KCMF1: variants seen among roughly 807,000 people sequenced by gnomAD.
KCMF1 encodes E3 ubiquitin-protein ligase KCMF1.
KCMF1 carries 3 observed loss-of-function variants against 41.1 expected under a neutral mutation model. The ratio of observed to expected loss-of-function variants is 0.07; its 90% CI spans 0.03 to 0.19. The LOEUF (loss-of-function observed/expected upper bound fraction) is 0.19. KCMF1 is among the 10% of genes least tolerant of loss of function. The pLI, the probability that KCMF1 is intolerant of heterozygous loss-of-function variation, is 1.00. For synonymous variants in KCMF1, 142 were observed against 164.5 expected, an observed-to-expected ratio of 0.86 and a Z score of 1.04; for missense variants, 286 against 488.9, an observed-to-expected ratio of 0.58 and a Z score of 3.91.
intron 1 of KCMF1, among the ~76,000 whole-genome samples, chr2:84,985,415 AT>A (rs1673876272): frequency 6.6e-6 from 1 of 152,252 alleles, no homozygotes; most frequent in African/African-American, 2.4e-5. Flanking sequence ...CTTTCCCTAC[AT>A]TTACCGTTCT....
chr2:85,012,579 T>G (rs1228252627), intron 1 of KCMF1, among the ~76,000 whole-genome samples: 1 of 152,172 alleles, frequency 6.6e-6, no homozygotes, highest in Non-Finnish European at 1.5e-5. Flanking sequence ...CAAAGATCAG[T>G]TCATCCTAAC....
chr2:84,972,676 A>G (rs979640113), intron 1 of KCMF1, among the ~76,000 whole-genome samples: 1 of 152,234 alleles, frequency 6.6e-6, no homozygotes, highest in Non-Finnish European at 1.5e-5. Context: ...TTTGGGAAAT[A>G]CGGACCTTAG....
intron 3 of KCMF1, among the ~76,000 whole-genome samples, chr2:85,039,146 G>A (rs971937519): frequency 3.3e-5 from 5 of 152,246 alleles, no homozygotes; most frequent in Admixed American, 3.3e-4. Flanking sequence ...TTGGTACTCA[G>A]TAAGTGCTTA....
chr2:85,024,334 A>G (rs2104022886), intron 1 of KCMF1, among the ~76,000 whole-genome samples: 1 of 152,232 alleles, frequency 6.6e-6, no homozygotes, highest in Non-Finnish European at 1.5e-5. Context: ...TTAGCTGGGC[A>G]TGGTGCCAGG....
At chr2:85,006,144 C>T (rs969850855) in intron 1 of KCMF1, among the ~76,000 whole-genome samples, 3 of 151,830 alleles carry the variant, frequency 2.0e-5, no homozygotes, top group African/African-American at 7.3e-5. Flanking sequence ...TACTTGTTGT[C>T]ATTTGAGTTT....
chr2:85,034,997 A>T lies in KCMF1; in HGVS notation c.185-19A>T. 6.3e-7 allele frequency: 1 copy of T among 1,588,238 alleles called. No homozygotes were observed. The highest frequency in any genetic ancestry group is 8.6e-7 in the Non-Finnish European group (1 of 1,162,128). On this transcript the variant is annotated intron_variant, in intron 2 of 6. Transcript: ENST00000409785. ...TTAAAAACTAATATTCCTCAATGCA[A>T]TTCTACCTTATTTTTCAGATTTATA...
intron 1 of KCMF1, among the ~76,000 whole-genome samples, chr2:84,981,767 T>G (rs987067095): frequency 6.6e-6 from 1 of 151,968 alleles, no homozygotes; most frequent in Admixed American, 6.6e-5. Flanking sequence ...TCCAGGCTTT[T>G]TGTTTGTTTG....
At position 84,974,433 on chromosome 2, in the gene KCMF1, C is replaced by T. The variant is rs1037966598; in HGVS notation, c.16+2966C>T. Among the ~76,000 whole-genome samples, 4 of 151,818 alleles carry T rather than the reference C, an allele frequency of 2.6e-5. No homozygotes were observed. In the East Asian group the frequency reaches 7.8e-4, roughly 29 times the overall value. ...TGGACACCTGTCAAGCTTGAAGGCTCAACCTTGTGAAGCAGTGCCTCTGAG... is the reference window on the plus strand; with the variant it reads ...TGGACACCTGTCAAGCTTGAAGGCTTAACCTTGTGAAGCAGTGCCTCTGAG... On this transcript the variant is annotated intron_variant, in intron 1 of 6. Coordinates refer to ENST00000409785, the MANE Select transcript of KCMF1 (RefSeq NM_020122.5).
At chr2:84,974,680 TATATATATATA>T (rs1265321120) in intron 1 of KCMF1, among the ~76,000 whole-genome samples, 11 of 44,230 alleles carry the variant, frequency 2.5e-4, no homozygotes, top group African/African-American at 9.5e-4. Context: ...TATATATATA[TATATATATATA>T]TTTTTTTTTT....
chr2:85,052,794 C>T (rs1675838632), intron 6 of KCMF1, among the ~76,000 whole-genome samples: 2 of 152,182 alleles, frequency 1.3e-5, no homozygotes, highest in African/African-American at 4.8e-5. Flanking sequence ...TATTTACCCC[C>T]AGATGAAATT....
In KCMF1 at chr2:85,035,006, T is replaced by C; in HGVS notation, c.185-10T>C. The C allele has an allele frequency of 6.3e-7, 1 of 1,598,058 alleles. No homozygotes were observed. The highest frequency in any genetic ancestry group is 8.5e-7 in the Non-Finnish European group (1 of 1,170,290). ...AATATTCCTCAATGCAATTCTACCT[T>C]ATTTTTCAGATTTATACTATGGTGG... is the stretch of plus-strand genomic sequence containing the variant. On this transcript the variant is annotated splice_polypyrimidine_tract_variant and intron_variant, in intron 2 of 6. Transcript: ENST00000409785.
intron 2 of KCMF1, among the ~76,000 whole-genome samples, chr2:85,031,261 A>G (rs1675260190): frequency 1.3e-5 from 2 of 152,250 alleles, no homozygotes; most frequent in African/African-American, 2.4e-5. Context: ...ATCTGCTGAT[A>G]CATGAACATG....
intron 1 of KCMF1, 46 bp downstream of exon 1, chr2:84,971,513 T>G: frequency 1.8e-6 from 2 of 1,109,176 alleles, no homozygotes; most frequent in Non-Finnish European, 2.3e-6. Flanking sequence ...GGCCTCGGCC[T>G]ACCCCGCCCG....
Position 85,054,959 on chromosome 2 carries a change from G to C in KCMF1, c.*1550G>C, listed in dbSNP as rs1465851805. 1 of 152,108 alleles carries C rather than the reference G, an allele frequency of 6.6e-6. No individual in the cohort carries two copies. The highest frequency in any genetic ancestry group is 2.4e-5 in the African/African-American group (1 of 41,408). 9.4% of individuals were successfully genotyped at this position (152,108 alleles called of 1,614,324 possible). On this transcript the variant is annotated 3_prime_UTR_variant, in exon 7 of 7. Transcript: ENST00000409785. ...TGTTCATCCAAATGTAACCAAAAAA[G>C]AAGTCACCCTACATGTCTGAAAAAC...
intron 1 of KCMF1, among the ~76,000 whole-genome samples, chr2:84,974,081 G>A (rs1311668883): frequency 6.6e-6 from 1 of 152,092 alleles, no homozygotes; most frequent in African/African-American, 2.4e-5. Flanking sequence ...ACCCGCCTTG[G>A]CCTCCCAAAG....
At chr2:85,051,515 G>A (rs1161746756) in intron 6 of KCMF1, among the ~76,000 whole-genome samples, 4 of 151,954 alleles carry the variant, frequency 2.6e-5, no homozygotes, top group African/African-American at 9.7e-5. Context: ...CTCAGAGCAT[G>A]GTATGAGTGA....
At chr2:85,041,689 G>A (rs1281142894) in intron 3 of KCMF1, among the ~76,000 whole-genome samples, 2 of 151,420 alleles carry the variant, frequency 1.3e-5, no homozygotes, top group Admixed American at 1.3e-4. Context: ...TCAGAATGAT[G>A]AGTCTCTAAG....
chr2:84,979,006 C>T (rs1318174385), intron 1 of KCMF1, among the ~76,000 whole-genome samples: 2 of 152,112 alleles, frequency 1.3e-5, no homozygotes, highest in African/African-American at 2.4e-5. Context: ...AGCCACCGTG[C>T]CTGGCTAATT....
intron 1 of KCMF1, among the ~76,000 whole-genome samples, chr2:85,000,462 A>G (rs762865919): frequency 5.3e-5 from 8 of 152,138 alleles, no homozygotes; most frequent in Non-Finnish European, 1.2e-4. Context: ...TCTAGCAAGA[A>G]CCCTGTGTTT....
Sources: gnomAD v4.1 joint callset for allele counts (sites outside exome capture counted in the v4.1 genomes callset) on GRCh38, gnomAD v4.1.1 for gene constraint, MANE v1.5 for transcripts, NCBI Gene and HGNC (gene_info 2026-07-23, HGNC 2026-07-21) for gene names.